The following ZC3H12B variants were observed in gnomAD, a reference collection of about 807,000 sequenced individuals.
ZC3H12B encodes zinc finger CCCH-type containing 12B, also known as probable ribonuclease ZC3H12B.
ZC3H12B carries 7 observed loss-of-function variants against 43.9 expected under a neutral mutation model. The ratio of observed to expected loss-of-function variants is 0.16; its 90% CI spans 0.09 to 0.30. The LOEUF is 0.30. Ranked by LOEUF, ZC3H12B falls within the 10% of genes least tolerant of loss-of-function variation. ZC3H12B has a pLI of 1.00. For synonymous variants in ZC3H12B, 222 were observed against 241.7 expected (o/e 0.92, Z 0.76); for missense variants, 475 against 670.2 (o/e 0.71, Z 3.22).
At chrX:65,150,208 A>G in the ZC3H12B span, among the ~76,000 whole-genome samples, 1 of 110,708 alleles carries the variant, frequency 9.0e-6, no homozygotes, top group Non-Finnish European at 1.9e-5. Flanking sequence ...ATGGCTACTG[A>G]ACATAAAGGT....
intron 1 of ZC3H12B, among the ~76,000 whole-genome samples, 173 bp from the exon 7 acceptor site, chrX:65,496,959 A>G (rs2068294070): frequency 9.1e-6 from 1 of 110,225 alleles, no homozygotes; most frequent in South Asian, 3.8e-4. Flanking sequence ...AAAAAAAAAA[A>G]AAAAAGAAAA....
chrX:65,248,266 G>A, the ZC3H12B span, among the ~76,000 whole-genome samples: 1 of 111,189 alleles, frequency 9.0e-6, no homozygotes, highest in Non-Finnish European at 1.9e-5. Flanking sequence ...TTGAACTCCT[G>A]ATTTCAGGTG....
At chrX:65,185,588 T>C in the ZC3H12B span, 2 of 111,475 alleles carry the variant, frequency 1.8e-5, no homozygotes, top group East Asian at 5.7e-4. Context: ...AGTTGGTTCA[T>C]TTGCACCATC....
At chrX:65,249,457 A>G in the ZC3H12B span, among the ~76,000 whole-genome samples, 1 of 112,080 alleles carries the variant, frequency 8.9e-6, no homozygotes, top group Non-Finnish European at 1.9e-5. Flanking sequence ...TTTGGTGACT[A>G]TGGCCTTATA....
the ZC3H12B span, among the ~76,000 whole-genome samples, chrX:65,345,211 A>G: frequency 1.8e-5 from 2 of 112,209 alleles, no homozygotes; most frequent in East Asian, 2.8e-4. Flanking sequence ...TATACAAAGG[A>G]ATGTAAGTCA....
At chrX:65,065,703 G>A in the ZC3H12B span, among the ~76,000 whole-genome samples, 1 of 111,266 alleles carries the variant, frequency 9.0e-6, no homozygotes, top group African/African-American at 3.3e-5. Context: ...GCCAGGTAGG[G>A]GCAGTTCTCC....
chrX:65,230,231 T>C, the ZC3H12B span, among the ~76,000 whole-genome samples: 3 of 111,189 alleles, frequency 2.7e-5, no homozygotes, highest in Non-Finnish European at 5.7e-5. Flanking sequence ...TCATGTCCTT[T>C]GTAGGGACAT....
At chrX:65,385,289 T>G (rs2066506498) in intron 2 of ZC3H12B, among the ~76,000 whole-genome samples, 1 of 112,224 alleles carries the variant, frequency 8.9e-6, no homozygotes, top group South Asian at 3.7e-4. Flanking sequence ...GAGCATGGAA[T>G]GTTCTTCCAT....
At chrX:65,466,697 G>A (rs754049268) in intron 3 of ZC3H12B, among the ~76,000 whole-genome samples, 30 of 104,908 alleles carry the variant, frequency 2.9e-4, no homozygotes, top group African/African-American at 1.0e-3. Context: ...AGTATACAAA[G>A]GTTCTCTTTT....
At chrX:65,323,238 AGGGT>A in the ZC3H12B span, among the ~76,000 whole-genome samples, 2 of 112,077 alleles carry the variant, frequency 1.8e-5, no homozygotes, top group African/African-American at 6.5e-5. Flanking sequence ...CTTAGATAAA[AGGGT>A]TTTAATTTCT....
chrX:65,433,644 C>G (rs2067188523), intron 3 of ZC3H12B, among the ~76,000 whole-genome samples: 1 of 112,056 alleles, frequency 8.9e-6, no homozygotes, highest in Admixed American at 9.5e-5. Flanking sequence ...ATTAGGATCA[C>G]TTCAGATTTA....
the ZC3H12B span, among the ~76,000 whole-genome samples, chrX:65,154,481 G>T: frequency 1.8e-5 from 2 of 111,812 alleles, no homozygotes; most frequent in Non-Finnish European, 3.8e-5. Context: ...TCAATAATTT[G>T]GGGGATTTTC....
chrX:65,476,950 T>G (rs2067999531), intron 3 of ZC3H12B, among the ~76,000 whole-genome samples: 1 of 107,798 alleles, frequency 9.3e-6, no homozygotes, highest in Non-Finnish European at 1.9e-5. Flanking sequence ...GCCTCCCGAG[T>G]AGCTGGGACT....
intron 2 of ZC3H12B, among the ~76,000 whole-genome samples, chrX:65,377,956 G>A (rs183958248): frequency 4.7e-4 from 52 of 110,462 alleles, no homozygotes; most frequent in African/African-American, 1.4e-3. Context: ...AAAATTAACC[G>A]GGCATGGTGG....
At chrX:65,277,985 A>T in the ZC3H12B span, among the ~76,000 whole-genome samples, 13 of 111,574 alleles carry the variant, frequency 1.2e-4, no homozygotes, top group Admixed American at 3.8e-4. Flanking sequence ...AAGAAAAAAA[A>T]TGAAAGAAGA....
At chrX:65,094,260 CT>C in the ZC3H12B span, among the ~76,000 whole-genome samples, 14,548 of 96,386 alleles carry the variant, frequency 0.15, 2,616 homozygotes, top group African/African-American at 0.49. Context: ...AATTAAGCCT[CT>C]TTTTTTTTTT....
chrX:65,342,495 G>T, the ZC3H12B span, among the ~76,000 whole-genome samples: 1 of 111,901 alleles, frequency 8.9e-6, no homozygotes, highest in South Asian at 3.7e-4. Flanking sequence ...TAGAAGTCAA[G>T]ACTAAGAAAA....
At chrX:65,441,427 G>A (rs1271981260) in intron 3 of ZC3H12B, among the ~76,000 whole-genome samples, 1 of 111,729 alleles carries the variant, frequency 9.0e-6, no homozygotes, top group Non-Finnish European at 1.9e-5. Context: ...TATTTCACAG[G>A]TAGGATGTTT....
At chrX:65,270,667 GA>G in the ZC3H12B span, among the ~76,000 whole-genome samples, 10,449 of 104,956 alleles carry the variant, frequency 0.1, 1,221 homozygotes, top group African/African-American at 0.33. Context: ...CAACTCAATA[GA>G]AAAAAAAAAT....
Sources: allele counts gnomAD v4.1 joint callset (sites outside exome capture counted in the v4.1 genomes callset), GRCh38; gene constraint gnomAD v4.1.1; transcripts MANE v1.5; gene names NCBI Gene and HGNC (gene_info 2026-07-23, HGNC 2026-07-21).